Variants in LMBRD1 observed in about 807,000 individuals in gnomAD.
LMBRD1 encodes the protein lysosomal cobalamin transport escort protein LMBD1.
A neutral mutation model predicts 74.8 loss-of-function variants in LMBRD1; 64 were observed. That is an observed-to-expected ratio of 0.86 (90% CI 0.70 to 1.05). The LOEUF (loss-of-function observed/expected upper bound fraction) is 1.05, where lower values mean the gene tolerates loss of function less well. LMBRD1 is among the 50% of genes least tolerant of loss of function. The pLI, the probability that LMBRD1 is intolerant of heterozygous loss-of-function variation, is 0.00. For missense variants in LMBRD1, 652 were observed against 645.9 expected (o/e 1.01, Z -0.10); for synonymous variants, 204 against 216.3 (o/e 0.94, Z 0.50).
At chr6:69,775,823 A>G (rs1765686347) in intron 3 of LMBRD1, among the ~76,000 whole-genome samples, 1 of 152,232 alleles carries the variant, frequency 6.6e-6, no homozygotes, top group Non-Finnish European at 1.5e-5. Context: ...TTTACTTGAA[A>G]GAACAACTGA....
At chr6:69,695,406 T>C (rs1409470576) in intron 14 of LMBRD1, among the ~76,000 whole-genome samples, 2 of 152,116 alleles carry the variant, frequency 1.3e-5, no homozygotes, top group Non-Finnish European at 2.9e-5. Flanking sequence ...GTGTCCATTC[T>C]CTTCTCACTC....
intron 3 of LMBRD1, among the ~76,000 whole-genome samples, chr6:69,764,242 T>C (rs1765432439): frequency 6.6e-6 from 1 of 152,140 alleles, no homozygotes; most frequent in African/African-American, 2.4e-5. Flanking sequence ...TAGGTTCAGA[T>C]GAGGGCATGA....
At chr6:69,729,914 G>A (rs1766819202) in intron 7 of LMBRD1, among the ~76,000 whole-genome samples, 1 of 151,128 alleles carries the variant, frequency 6.6e-6, no homozygotes, top group South Asian at 2.1e-4. Flanking sequence ...AACTTTTAAG[G>A]TCTTTAAACA....
At chr6:69,734,281 T>C (rs769050836) in intron 7 of LMBRD1, among the ~76,000 whole-genome samples, 3 of 152,224 alleles carry the variant, frequency 2.0e-5, no homozygotes, top group Non-Finnish European at 2.9e-5. Flanking sequence ...TAAGGTCCTC[T>C]GGTTGTTTTA....
intron 5 of LMBRD1, among the ~76,000 whole-genome samples, chr6:69,745,253 CTTT>C (rs142539708): frequency 5.1e-5 from 7 of 137,978 alleles, no homozygotes; most frequent in Admixed American, 1.4e-4. Flanking sequence ...TTAAAAATTT[CTTT>C]TTTTTTTTTT....
In LMBRD1 at chr6:69,760,999, G is replaced by C. The variant is rs927158231; in HGVS notation, c.308-8643C>G. ...TGTAGCCCAACAAGAGAACCTGACC[G>C]AGCACACCCAACTAAGGTGCATCTG... On this transcript the variant is annotated intron_variant, in intron 3 of 15. Transcript: ENST00000649934. Among the ~76,000 whole-genome samples the C allele has an allele frequency of 4.6e-5, 7 of 152,192 alleles. No homozygotes were observed. The East Asian group carries it at 7.7e-4, about 17-fold the overall frequency.
intron 7 of LMBRD1, among the ~76,000 whole-genome samples, chr6:69,728,116 T>C (rs920207208): frequency 3.9e-5 from 6 of 152,126 alleles, no homozygotes; most frequent in African/African-American, 1.4e-4. Flanking sequence ...AAACTTATAA[T>C]TGTCGCAGAA....
chr6:69,790,601 C>A, intron 1 of LMBRD1, 129 bp from the exon 2 acceptor site: 1 of 882,592 alleles, frequency 1.1e-6, no homozygotes, highest in Non-Finnish European at 1.8e-6. Context: ...TAAGGAAAGC[C>A]CACTATCCCT....
intron 3 of LMBRD1, among the ~76,000 whole-genome samples, chr6:69,759,200 T>C (rs1482366906): frequency 1.3e-5 from 2 of 152,224 alleles, no homozygotes. Context: ...TAAACTTCTA[T>C]GCTCACTTCT....
intron 9 of LMBRD1, among the ~76,000 whole-genome samples, chr6:69,710,560 A>G (rs1157143263): frequency 6.6e-6 from 1 of 152,152 alleles, no homozygotes; most frequent in African/African-American, 2.4e-5. Flanking sequence ...CTTGCCACGA[A>G]CTAGGAGACG....
At chr6:69,727,813 T>C (rs1383285826) in intron 7 of LMBRD1, among the ~76,000 whole-genome samples, 1 of 152,174 alleles carries the variant, frequency 6.6e-6, no homozygotes, top group Non-Finnish European at 1.5e-5. Flanking sequence ...TCCTTTAACA[T>C]TTCCTTATAG....
rs183328285 is a variant in LMBRD1 at position 69,723,384 on chromosome 6, C to A, written c.637-4303G>T. ...GGAATACATATTCTTTTCCTTAGCA[C>A]ATGGATCATTCCCAAGGATAAACCA... On this transcript the variant is annotated intron_variant, in intron 7 of 15. Transcript: ENST00000649934. Among the ~76,000 whole-genome samples the A allele has an allele frequency of 7.9e-5, 12 of 152,266 alleles. No individual in the cohort carries two copies. In the East Asian group the frequency reaches 2.3e-3, roughly 29 times the overall value.
intron 5 of LMBRD1, among the ~76,000 whole-genome samples, chr6:69,742,265 T>G (rs993818176): frequency 6.6e-6 from 1 of 152,166 alleles, no homozygotes; most frequent in Non-Finnish European, 1.5e-5. Flanking sequence ...TGTAAACATA[T>G]GCAATTATTT....
chr6:69,726,143 T>G (rs1018272938), intron 7 of LMBRD1, among the ~76,000 whole-genome samples: 1 of 152,224 alleles, frequency 6.6e-6, no homozygotes, highest in Non-Finnish European at 1.5e-5. Context: ...TCAACATCAC[T>G]GATCATCGGA....
At chr6:69,682,885 T>C (rs987839554) in intron 14 of LMBRD1, among the ~76,000 whole-genome samples, 1 of 151,980 alleles carries the variant, frequency 6.6e-6, no homozygotes, top group African/African-American at 2.4e-5. Context: ...CTAGATCAAA[T>C]TTCTGGGAAT....
chr6:69,693,217 A>G (rs1480046762), intron 14 of LMBRD1, among the ~76,000 whole-genome samples: 2 of 152,098 alleles, frequency 1.3e-5, no homozygotes, highest in Non-Finnish European at 2.9e-5. Context: ...TCATAAAAAT[A>G]GTAAGATAGG....
chr6:69,709,021 G>C (rs985713175), intron 9 of LMBRD1, among the ~76,000 whole-genome samples: 1 of 152,086 alleles, frequency 6.6e-6, no homozygotes, highest in African/African-American at 2.4e-5. Flanking sequence ...GATCGCCTGA[G>C]GTCAGGAGTT....
chr6:69,728,087 T>G (rs1354863149), intron 7 of LMBRD1, among the ~76,000 whole-genome samples: 1 of 152,158 alleles, frequency 6.6e-6, no homozygotes, highest in Non-Finnish European at 1.5e-5. Context: ...ACAGGAAGCA[T>G]GGTTAGGGAC....
At chr6:69,714,799 G>A (rs1189112255) in intron 8 of LMBRD1, among the ~76,000 whole-genome samples, 1 of 151,868 alleles carries the variant, frequency 6.6e-6, no homozygotes, top group Non-Finnish European at 1.5e-5. Flanking sequence ...TTTACATATC[G>A]GCATCACTAT....
Sources: gnomAD v4.1 joint callset for allele counts (sites outside exome capture counted in the v4.1 genomes callset) on GRCh38, gnomAD v4.1.1 for gene constraint, MANE v1.5 for transcripts, NCBI Gene and HGNC (gene_info 2026-07-23, HGNC 2026-07-21) for gene names.